COL15A1: variants seen among roughly 807,000 people sequenced by gnomAD.
The protein encoded by COL15A1 is collagen type XV alpha 1 chain.
Under a neutral mutation model 165.9 loss-of-function variants are expected in COL15A1, and 111 were observed. The observed-to-expected ratio is 0.67, with a 90% CI of 0.57 to 0.78. COL15A1 has a LOEUF of 0.78. COL15A1 is among the 30% of genes least tolerant of loss of function. The pLI, the probability that COL15A1 is intolerant of heterozygous loss-of-function variation, is 0.00. For synonymous variants in COL15A1, 659 were observed against 674.8 expected, an observed-to-expected ratio of 0.98 and a Z score of 0.36; for missense variants, 1,745 against 1,789.7, an observed-to-expected ratio of 0.98 and a Z score of 0.45.
Position 99,047,969 on chromosome 9 carries a change from G to A in COL15A1, c.2762G>A (p.Gly921Asp). The A allele has an allele frequency of 1.2e-6, 2 of 1,603,080 alleles. No individual in the cohort carries two copies. Among genetic ancestry groups the A allele is most frequent in the African/African-American group, 1.3e-5 (1 of 74,744 alleles). The change falls in exon 28 of 42, where the codon GGT becomes GAT. Residue 921 changes from glycine to aspartate, a missense_variant. Coordinates refer to ENST00000375001, the MANE Select transcript of COL15A1 (RefSeq NM_001855.5). Reference sequence around the variant, plus strand: ...CGCCCAGGACTGAATGGCCTCAAGGGTACCAAAGGAGATCCAGGGGTCATT... The same window carrying A: ...CGCCCAGGACTGAATGGCCTCAAGGATACCAAAGGAGATCCAGGGGTCATT... ...PGRPGLNGLK[G>D]TKGDPGVIMQ...
Position 99,036,158 on chromosome 9 carries a change from T to C in COL15A1, c.2290-12T>C, listed in dbSNP as rs748560145. The C allele has an allele frequency of 1.4e-5, 23 of 1,608,576 alleles. No homozygotes were observed. The highest frequency in any genetic ancestry group is 1.9e-5 in the Non-Finnish European group (22 of 1,175,340). Reference sequence around the variant, plus strand: ...TGACTAGAAGAATATTTATTTTTGTTTATTTTTCCAGGGTCTCAAAGGAGA... The same window carrying C: ...TGACTAGAAGAATATTTATTTTTGTCTATTTTTCCAGGGTCTCAAAGGAGA... On this transcript the variant is annotated splice_polypyrimidine_tract_variant and intron_variant, in intron 19 of 41. Transcript: ENST00000375001.
chr9:98,959,912 C>T (rs1479589452), intron 2 of COL15A1, among the ~76,000 whole-genome samples: 1 of 152,222 alleles, frequency 6.6e-6, no homozygotes, highest in East Asian at 1.9e-4. Flanking sequence ...TCTCACATCC[C>T]TCCCCGTACC....
intron 16 of COL15A1, 47 bp downstream of exon 16, chr9:99,026,013 C>A: frequency 2.6e-6 from 4 of 1,551,178 alleles, no homozygotes; most frequent in Non-Finnish European, 3.5e-6. Context: ...CCACCAGGCC[C>A]ACACTACTCT....
At chr9:99,069,254 A>C (rs140705848) in intron 41 of COL15A1, among the ~76,000 whole-genome samples, 1 of 84,224 alleles carries the variant, frequency 1.2e-5, no homozygotes, top group Admixed American at 1.4e-4. Flanking sequence ...AGAATATTGT[A>C]ATTGTAAGTG....
chr9:99,038,413 T>C (rs1346904253), intron 21 of COL15A1, among the ~76,000 whole-genome samples: 2 of 152,196 alleles, frequency 1.3e-5, no homozygotes, highest in Non-Finnish European at 2.9e-5. Context: ...TATGTATATG[T>C]TTAAACTCTA....
intron 36 of COL15A1, among the ~76,000 whole-genome samples, 187 bp downstream of exon 36, chr9:99,060,140 G>A (rs34111295): frequency 0.28 from 42,689 of 150,928 alleles, 6,949 homozygotes; most frequent in East Asian, 0.62. Context: ...GTAAAAAGAC[G>A]TGAAAAAACA....
At chr9:98,960,408 A>C (rs1158201183) in intron 2 of COL15A1, among the ~76,000 whole-genome samples, 3 of 152,180 alleles carry the variant, frequency 2.0e-5, no homozygotes, top group Non-Finnish European at 4.4e-5. Flanking sequence ...TGTTTCAAAA[A>C]TAAAAAAGAA....
At chr9:98,989,329 C>A in intron 5 of COL15A1, 71 bp downstream of exon 5, 2 of 1,264,812 alleles carry the variant, frequency 1.6e-6, no homozygotes, top group Non-Finnish European at 1.1e-6. Context: ...TAGAGGGGGC[C>A]CAGAGTCCTG....
rs142838918 is a variant in COL15A1 at position 99,062,287 on chromosome 9, C to G, written c.3574C>G (p.Pro1192Ala). The G allele has an allele frequency of 7.3e-4, 1,176 of 1,613,362 alleles. 3 individuals carry two copies. Among genetic ancestry groups the G allele is most frequent in the Non-Finnish European group, 9.5e-4 (1,117 of 1,179,260 alleles). ...CATTCCTGCCGACAGCCCTCCACCC[C>G]CTGCGCTTTCCAGCAACGTGAGTAG... ...IPIPADSPPP[P>A]ALSSNPHQLL... Residue 1192 changes from proline (P) to alanine (A), a missense_variant, in exon 38 of 42, where the codon CCT becomes GCT. Transcript: ENST00000375001.
chr9:99,067,165 C>A, intron 40 of COL15A1, 98 bp downstream of exon 40: 1 of 1,032,700 alleles, frequency 9.7e-7, no homozygotes, highest in Non-Finnish European at 1.4e-6. Context: ...AGACTGTTGA[C>A]TTAAGCCTGC....
intron 9 of COL15A1, among the ~76,000 whole-genome samples, chr9:99,012,815 G>T (rs1019389960): frequency 3.5e-5 from 5 of 142,650 alleles, no homozygotes; most frequent in African/African-American, 1.3e-4. Context: ...GGGTTCAAGT[G>T]ATTCTCCTGC....
At chr9:98,997,999 G>A (rs940110143) in intron 6 of COL15A1, 1 of 152,192 alleles carries the variant, frequency 6.6e-6, no homozygotes, top group African/African-American at 2.4e-5. Flanking sequence ...TGACACTGGT[G>A]ATACAGAAGA....
At chr9:99,038,571 C>T (rs1366658868) in intron 21 of COL15A1, 97 bp from the exon 22 acceptor site, 9 of 776,890 alleles carry the variant, frequency 1.2e-5, no homozygotes, top group Middle Eastern at 2.3e-4. Flanking sequence ...TGCGGTGTTC[C>T]GCTATGCTGG....
chr9:99,053,301 T>G (rs894513913), intron 31 of COL15A1, among the ~76,000 whole-genome samples: 1 of 152,234 alleles, frequency 6.6e-6, no homozygotes. Context: ...TCTAGCCCTG[T>G]GGTTTTTCTG....
At chr9:99,054,131 C>G (rs955590827) in intron 31 of COL15A1, among the ~76,000 whole-genome samples, 3 of 152,236 alleles carry the variant, frequency 2.0e-5, no homozygotes, top group Non-Finnish European at 4.4e-5. Context: ...CTTGGTTGTC[C>G]TGTGCGGGCA....
chr9:98,947,393 G>T (rs1837603647), intron 2 of COL15A1, among the ~76,000 whole-genome samples: 1 of 151,958 alleles, frequency 6.6e-6, no homozygotes, highest in Non-Finnish European at 1.5e-5. Flanking sequence ...GACTGCAAAG[G>T]GGCATGAGGA....
Position 98,943,945 on chromosome 9 carries a change from T to C in COL15A1, c.-117T>C, listed in dbSNP as rs1459926261. 3 of 1,436,622 alleles carry C rather than the reference T, an allele frequency of 2.1e-6. No individual in the cohort carries two copies. Among genetic ancestry groups the C allele is most frequent in the East Asian group, 4.9e-5 (2 of 40,648 alleles). 89.0% of individuals were successfully genotyped at this position (1,436,622 alleles called of 1,614,324 possible). On this transcript the variant is annotated 5_prime_UTR_variant, in exon 1 of 42. Coordinates refer to ENST00000375001, the MANE Select transcript of COL15A1 (RefSeq NM_001855.5). ...CCGCCGCTGCCGAGCGCCGCCTTTG[T>C]TCCCTGCAGGAAGGGCGAGCGCGGC...
At chr9:99,017,648 T>C (rs1392870111) in intron 11 of COL15A1, among the ~76,000 whole-genome samples, 2 of 152,114 alleles carry the variant, frequency 1.3e-5, no homozygotes, top group Non-Finnish European at 2.9e-5. Context: ...GCAGGGCATC[T>C]AGTGGGCAGC....
At chr9:98,974,805 A>G (rs1043233669) in intron 2 of COL15A1, among the ~76,000 whole-genome samples, 1 of 152,170 alleles carries the variant, frequency 6.6e-6, no homozygotes, top group African/African-American at 2.4e-5. Context: ...AAGCTGACTG[A>G]AGTGTGCCGT....
Sources: gnomAD v4.1 joint callset for allele counts (sites outside exome capture counted in the v4.1 genomes callset) on GRCh38, gnomAD v4.1.1 for gene constraint, MANE v1.5 for transcripts, NCBI Gene and HGNC (gene_info 2026-07-23, HGNC 2026-07-21) for gene names.